Variants in CYP4F12 observed in about 807,000 individuals in gnomAD.
CYP4F12 encodes the protein cytochrome P450 4F12.
In CYP4F12, 60 loss-of-function variants were observed where a neutral mutation model predicts 56.5. The ratio of observed to expected loss-of-function variants is 1.06; its 90% CI spans 0.86 to 1.32. The LOEUF is 1.32. Among genes scored for constraint, CYP4F12 ranks in the 40% most tolerant of loss-of-function variants. CYP4F12 has a pLI of 0.00. For missense variants in CYP4F12, 711 were observed against 683.5 expected (o/e 1.04, Z -0.45); for synonymous variants, 263 against 264.9 (o/e 0.99, Z 0.07).
intron 2 of CYP4F12, among the ~76,000 whole-genome samples, chr19:15,676,153 G>A (rs2006908283): frequency 2.6e-5 from 4 of 152,264 alleles, no homozygotes; most frequent in South Asian, 4.1e-4. Context: ...TCAATGGATT[G>A]GATGGGGTCT....
chr19:15,691,694 G>GTT lies in CYP4F12; in HGVS notation c.1116-4233_1116-4232dup, dbSNP rs540971231. On this transcript the variant is annotated intron_variant, in intron 9 of 12. Transcript: ENST00000550308. ...TATAAGAATGTGTATCACAATTAAT[G>GTT]TTTTTTTTTTCTGTTTTTTTGTTGC... 6.6e-4 allele frequency among the ~76,000 whole-genome samples: 92 copies of GTT among 138,942 alleles called. 1 individual carries two copies. The highest frequency in any genetic ancestry group is 6.1e-3 in the East Asian group (31 of 5,070). The allele number at this position is 138,942 out of a possible 152,430, so 91.2% of individuals were successfully genotyped here.
chr19:15,680,548 T>G (rs566080636), intron 5 of CYP4F12, 29 bp downstream of exon 5: 1 of 1,613,944 alleles, frequency 6.2e-7, no homozygotes, highest in Non-Finnish European at 8.5e-7. Flanking sequence ...GGGTCCCAGA[T>G]GGAGTCTTGG....
At chr19:15,679,698 T>C (rs2007177430) in intron 3 of CYP4F12, among the ~76,000 whole-genome samples, 1 of 152,140 alleles carries the variant, frequency 6.6e-6, no homozygotes, top group African/African-American at 2.4e-5. Context: ...GGAGCTAGGG[T>C]CTCTTTGGAA....
Position 15,689,043 on chromosome 19 carries a change from G to A in CYP4F12, c.1115+3846G>A, listed in dbSNP as rs574908211. 5.3e-5 allele frequency among the ~76,000 whole-genome samples: 8 copies of A among 151,922 alleles called. No individual in the cohort carries two copies. In the East Asian group the frequency reaches 9.6e-4, roughly 18 times the overall value. ...GGACATTGGCCTAGGCAAAGAATTC[G>A]TGACCAAGACCACAAAAGCAAATGC... On this transcript the variant is annotated intron_variant, in intron 9 of 12. Transcript: ENST00000550308.
At chr19:15,696,317 G>A in intron 11 of CYP4F12, 92 bp downstream of exon 11, 10 of 1,610,716 alleles carry the variant, frequency 6.2e-6, no homozygotes, top group Non-Finnish European at 7.6e-6. Context: ...AGGGGGCAGG[G>A]TTTTGATGAG....
chr19:15,678,160 G>A, intron 2 of CYP4F12, 101 bp from the exon 3 acceptor site: 1 of 1,446,784 alleles, frequency 6.9e-7, no homozygotes, highest in Non-Finnish European at 9.6e-7. Flanking sequence ...GACACACACA[G>A]CAATAATGTT....
At chr19:15,685,018 C>G in intron 8 of CYP4F12, 50 bp from the exon 9 acceptor site, 1 of 1,596,096 alleles carries the variant, frequency 6.3e-7, no homozygotes, top group East Asian at 2.2e-5. Flanking sequence ...AATATCTGGG[C>G]GCTGTCCACC....
chr19:15,673,706 GT>G lies in CYP4F12; in HGVS notation c.181del (p.Trp61GlyfsTer6), dbSNP rs777765453. 101 of 1,613,988 alleles carry G rather than the reference GT, an allele frequency of 6.3e-5. No homozygotes were observed. Among genetic ancestry groups the G allele is most frequent in the Non-Finnish European group, 8.4e-5 (99 of 1,180,004 alleles). ...CFPQPPKRNW[F>X]WGHLGLITPT... Reference sequence around the variant, plus strand: ...TCCCACAGCCCCCAAAACGGAACTGGTTTTGGGGTCACCTGGGCCTGGTGAG... The same window carrying G: ...TCCCACAGCCCCCAAAACGGAACTGGTTTGGGGTCACCTGGGCCTGGTGAG... On this transcript the variant is annotated frameshift_variant, in exon 2 of 13. Coordinates refer to ENST00000550308, the MANE Select transcript of CYP4F12 (RefSeq NM_023944.4). LOFTEE classifies it high-confidence loss of function.
At chr19:15,696,654 G>A in intron 12 of CYP4F12, 142 bp downstream of exon 12, 2 of 1,143,360 alleles carry the variant, frequency 1.7e-6, no homozygotes, top group East Asian at 2.4e-5. Context: ...ATAGAATGGG[G>A]ATGAGTAGGT....
intron 9 of CYP4F12, among the ~76,000 whole-genome samples, chr19:15,694,928 G>A (rs997641426): frequency 2.0e-5 from 3 of 152,188 alleles, no homozygotes; most frequent in Admixed American, 2.0e-4. Flanking sequence ...TTCAACCATG[G>A]TGGAAGTCAG....
chr19:15,678,343 C>G lies in CYP4F12; in HGVS notation c.281C>G (p.Pro94Arg). 6.2e-7 allele frequency: 1 copy of G among 1,614,128 alleles called. No individual in the cohort carries two copies. Among genetic ancestry groups the G allele is most frequent in the Non-Finnish European group, 8.5e-7 (1 of 1,180,030 alleles). ...YSQGFTVWLGPIIPFIVLCHP... is the reference protein window; with the variant it reads ...YSQGFTVWLGRIIPFIVLCHP... ...CAGGGCTTTACGGTATGGCTGGGTC[C>G]CATCATCCCCTTCATCGTTTTATGC... is the stretch of plus-strand genomic sequence containing the variant. The change falls in exon 3 of 13, where the codon CCC becomes CGC. Residue 94 changes from proline to arginine, a missense_variant. Coordinates refer to ENST00000550308, the MANE Select transcript of CYP4F12 (RefSeq NM_023944.4).
chr19:15,687,036 G>C (rs68043415), intron 9 of CYP4F12, among the ~76,000 whole-genome samples: 42,962 of 152,002 alleles, frequency 0.28, 6,583 homozygotes, highest in African/African-American at 0.4. Flanking sequence ...CCAGCACTTT[G>C]GAAGGCCGAG....
At chr19:15,685,299 C>G in intron 9 of CYP4F12, 102 bp downstream of exon 9, 1 of 1,497,184 alleles carries the variant, frequency 6.7e-7, no homozygotes, top group Non-Finnish European at 9.0e-7. Flanking sequence ...TCCACTATTG[C>G]TTAGTGGGTA....
At chr19:15,678,158 C>G in intron 2 of CYP4F12, 103 bp from the exon 3 acceptor site, 1 of 1,438,654 alleles carries the variant, frequency 7.0e-7, no homozygotes, top group South Asian at 1.2e-5. Flanking sequence ...CAGACACACA[C>G]AGCAATAATG....
At chr19:15,682,743 T>C (rs562788796) in intron 6 of CYP4F12, among the ~76,000 whole-genome samples, 144 of 152,248 alleles carry the variant, frequency 9.5e-4, no homozygotes, top group South Asian at 2.1e-3. Context: ...GAAATGAGGT[T>C]GTGGAAGTAG....
intron 2 of CYP4F12, 61 bp from the exon 3 acceptor site, chr19:15,678,196 GCCCA>G: frequency 2.5e-6 from 4 of 1,600,790 alleles, no homozygotes; most frequent in Non-Finnish European, 3.4e-6. Context: ...GCATCCCTTA[GCCCA>G]GTCTAGTGGA....
intron 5 of CYP4F12, chr19:15,680,984 C>T: frequency 3.6e-6 from 1 of 276,542 alleles, no homozygotes. Flanking sequence ...TTTGGGGCTT[C>T]AGTACCTTCA....
chr19:15,697,167 G>A lies in CYP4F12; in HGVS notation c.*82G>A. 1.3e-6 allele frequency: 2 copies of A among 1,519,078 alleles called. No individual in the cohort carries two copies. The highest frequency in any genetic ancestry group is 2.8e-5 in the African/African-American group (2 of 72,568). The allele number at this position is 1,519,078 out of a possible 1,614,324, so 94.1% of individuals were successfully genotyped here. ...CACCTCTGCCTGGGCCTCACTGACA[G>A]CCTGCAGGGGGCTCTTGGGGACTGG... On this transcript the variant is annotated 3_prime_UTR_variant, in exon 13 of 13. Coordinates refer to ENST00000550308, the MANE Select transcript of CYP4F12 (RefSeq NM_023944.4).
At chr19:15,686,117 G>A (rs891299410) in intron 9 of CYP4F12, among the ~76,000 whole-genome samples, 2 of 152,188 alleles carry the variant, frequency 1.3e-5, no homozygotes, top group Non-Finnish European at 2.9e-5. Flanking sequence ...GGATGGAGTT[G>A]AGAGCAAGAG....
Sources: allele counts gnomAD v4.1 joint callset (sites outside exome capture counted in the v4.1 genomes callset), GRCh38; gene constraint gnomAD v4.1.1; transcripts MANE v1.5; gene names NCBI Gene and HGNC (gene_info 2026-07-23, HGNC 2026-07-21).